Variants in NUP133 observed in about 807,000 individuals in gnomAD.
The protein encoded by NUP133 is nuclear pore complex protein Nup133.
Under a neutral mutation model 146.2 loss-of-function variants are expected in NUP133, and 66 were observed. That is an observed-to-expected ratio of 0.45 (90% CI 0.37 to 0.55). The LOEUF (loss-of-function observed/expected upper bound fraction) is 0.55, where lower values mean the gene tolerates loss of function less well. NUP133 is among the 20% of genes least tolerant of loss of function. NUP133 has a pLI of 0.00. For synonymous variants in NUP133, 521 were observed against 498.8 expected, an observed-to-expected ratio of 1.04 and a Z score of -0.59; for missense variants, 1,277 against 1,374.8, an observed-to-expected ratio of 0.93 and a Z score of 1.12.
Position 229,444,956 on chromosome 1 carries a change from C to A in NUP133, c.3292G>T (p.Asp1098Tyr), listed in dbSNP as rs746586342. The A allele has an allele frequency of 6.2e-7, 1 of 1,612,762 alleles. No homozygotes were observed. The highest frequency in any genetic ancestry group is 1.1e-5 in the South Asian group (1 of 90,824). Residue 1098 changes from aspartate (D) to tyrosine (Y), a missense_variant, in exon 25 of 26, where the codon GAC (aspartate) becomes TAC (tyrosine). By Grantham distance (160) the Asp-to-Tyr change is radical (BLOSUM62 -3). Coordinates refer to ENST00000261396, the MANE Select transcript of NUP133 (RefSeq NM_018230.3). ...TGTAAGATCTTCACAAATATACTGT[C>A]TTTAGATACTTCAATTGGATCATCT... ...GKDDPIEVSK[D>Y]SIFVKILQKL... is the part of the protein sequence containing the mutation.
intron 2 of NUP133, 47 bp from the exon 3 acceptor site, chr1:229,502,149 T>G (rs1394943098): frequency 7.4e-7 from 1 of 1,358,976 alleles, no homozygotes; most frequent in Admixed American, 1.7e-5. Flanking sequence ...GTATAAATCT[T>G]TATTACCACA....
chr1:229,481,098 G>T (rs185665244), intron 12 of NUP133, among the ~76,000 whole-genome samples: 3 of 152,170 alleles, frequency 2.0e-5, no homozygotes, highest in Non-Finnish European at 2.9e-5. Flanking sequence ...CACTCCCCCA[G>T]AAATCATCCC....
At chr1:229,443,722 AATT>A (rs966363331) in intron 25 of NUP133, among the ~76,000 whole-genome samples, 6 of 143,968 alleles carry the variant, frequency 4.2e-5, no homozygotes, top group African/African-American at 1.6e-4. Context: ...ACACATATAT[AATT>A]TTTTTTTTTT....
chr1:229,507,759 C>T (rs1209504359), intron 1 of NUP133, among the ~76,000 whole-genome samples: 7 of 152,140 alleles, frequency 4.6e-5, no homozygotes, highest in Admixed American at 4.6e-4. Flanking sequence ...TGAAGAAAAT[C>T]ACGAGTGACT....
intron 3 of NUP133, among the ~76,000 whole-genome samples, chr1:229,501,173 C>G (rs1028758010): frequency 6.6e-6 from 1 of 152,194 alleles, no homozygotes; most frequent in African/African-American, 2.4e-5. Context: ...AGTGCTTAGG[C>G]TTCCTATGGA....
At chr1:229,448,958 A>G (rs1660378228) in intron 24 of NUP133, 168 bp downstream of exon 24, 2 of 627,822 alleles carry the variant, frequency 3.2e-6, no homozygotes, top group Non-Finnish European at 5.6e-6. Context: ...AAATTAAAGG[A>G]CATTCAGCTG....
At chr1:229,488,277 T>G (rs939971971) in intron 9 of NUP133, among the ~76,000 whole-genome samples, 1 of 152,252 alleles carries the variant, frequency 6.6e-6, no homozygotes, top group African/African-American at 2.4e-5. Flanking sequence ...ATTGGCAATT[T>G]TTTATAAATA....
In NUP133 at chr1:229,454,460, A is replaced by G. The variant is rs75638193; in HGVS notation, c.2981-1817T>C. Among the ~76,000 whole-genome samples, 1,378 of 152,350 alleles carry G rather than the reference A, an allele frequency of 9.0e-3. 20 individuals carry two copies. Among genetic ancestry groups the G allele is most frequent in the African/African-American group, 0.031 (1,302 of 41,574 alleles). On this transcript the variant is annotated intron_variant, in intron 21 of 25. Transcript: ENST00000261396. ...AAAATCAGACTGGGAGGAAACCCAC[A>G]AAACAGTACCAGTGGCTATCTCCGG...
At chr1:229,443,727 T>A (rs1660236132) in intron 25 of NUP133, among the ~76,000 whole-genome samples, 2 of 122,544 alleles carry the variant, frequency 1.6e-5, no homozygotes. Flanking sequence ...TATATAATTT[T>A]TTTTTTTTTT....
chr1:229,470,151 G>A (rs115834923), intron 15 of NUP133, among the ~76,000 whole-genome samples: 83 of 151,924 alleles, frequency 5.5e-4, no homozygotes, highest in African/African-American at 1.9e-3. Context: ...GAGGTCAGGA[G>A]TTCGACATCA....
At position 229,485,882 on chromosome 1, in the gene NUP133, G is replaced by T. The variant is rs141796032; in HGVS notation, c.1500+489C>A. On this transcript the variant is annotated intron_variant, in intron 11 of 25. Coordinates refer to ENST00000261396, the MANE Select transcript of NUP133 (RefSeq NM_018230.3). ...ATAATCTGATAAAACTAAAAATTAG[G>T]CTGGGCATGGTGGCTCCACGCCAGT... Among the ~76,000 whole-genome samples, 63 of 152,274 alleles carry T rather than the reference G, an allele frequency of 4.1e-4. 2 individuals are homozygous for T. In the East Asian group the frequency reaches 0.012, roughly 28 times the overall value.
In NUP133 at chr1:229,452,613, T is replaced by C; in HGVS notation, c.3011A>G (p.His1004Arg). ...EMAEQERFLL[H>R]QETLPEQLLA... ...CAGCTGTTCAGGTAGGGTCTCCTGA[T>C]GCAGTAGAAAGCGCTCCTGCTCAGC... The change falls in exon 22 of 26, where the codon CAT becomes CGT. Residue 1004 changes from histidine (H) to arginine (R), a missense_variant. By Grantham distance (29) the His-to-Arg change is conservative. Coordinates refer to ENST00000261396, the MANE Select transcript of NUP133 (RefSeq NM_018230.3). 1 of 1,613,422 alleles carries C rather than the reference T, an allele frequency of 6.2e-7. No individual in the cohort carries two copies. Among genetic ancestry groups the C allele is most frequent in the Non-Finnish European group, 8.5e-7 (1 of 1,179,466 alleles).
intron 21 of NUP133, among the ~76,000 whole-genome samples, chr1:229,456,543 C>A (rs1660562079): frequency 6.6e-6 from 1 of 152,028 alleles, no homozygotes; most frequent in Non-Finnish European, 1.5e-5. Context: ...ATTTTAGTAT[C>A]TCTACATTAA....
intron 15 of NUP133, among the ~76,000 whole-genome samples, chr1:229,468,265 C>T (rs948355884): frequency 1.3e-5 from 2 of 152,116 alleles, no homozygotes; most frequent in African/African-American, 2.4e-5. Flanking sequence ...TTAACCAGCT[C>T]GTCCCAAAAC....
chr1:229,462,933 C>A (rs1660725113), intron 19 of NUP133, among the ~76,000 whole-genome samples: 1 of 152,120 alleles, frequency 6.6e-6, no homozygotes, highest in Non-Finnish European at 1.5e-5. Flanking sequence ...GCTAAGCTCT[C>A]TTAAAGTAGT....
chr1:229,443,056 T>A (rs1176652679), intron 25 of NUP133, among the ~76,000 whole-genome samples: 17 of 152,160 alleles, frequency 1.1e-4, no homozygotes, highest in Middle Eastern at 6.8e-3. Flanking sequence ...AGACAGGGTC[T>A]CCACTCTGTC....
At chr1:229,458,340 T>C in intron 20 of NUP133, 44 bp from the exon 21 acceptor site, 1 of 1,580,964 alleles carries the variant, frequency 6.3e-7, no homozygotes, top group Non-Finnish European at 8.6e-7. Flanking sequence ...TGAGTACCAA[T>C]TCAAGCTGAA....
Position 229,506,043 on chromosome 1 carries a change from C to T in NUP133, c.298G>A (p.Glu100Lys), listed in dbSNP as rs1161157766. 1.9e-6 allele frequency: 3 copies of T among 1,571,670 alleles called. No homozygotes were observed. Among genetic ancestry groups the T allele is most frequent in the East Asian group, 2.2e-5 (1 of 44,640 alleles). Residue 100 changes from glutamate (E) to lysine (K), a missense_variant, in exon 2 of 26, where the codon GAA (glutamate) becomes AAA (lysine). This residue lies in a region of NUP133 where 319 missense variants were observed against 306.9 expected (regional missense o/e 1.04). Coordinates refer to ENST00000261396, the MANE Select transcript of NUP133 (RefSeq NM_018230.3). ...TAAATGGAAAGATGACACCTACCTT[C>T]AGCCAATGTTAGGGCTTCCATGACT... ...VKVMEALTLAEVDDQLTINID... is the reference protein window; with the variant it reads ...VKVMEALTLAKVDDQLTINID...
At chr1:229,474,823 CTG>C (rs1661037801) in intron 14 of NUP133, among the ~76,000 whole-genome samples, 2 of 152,138 alleles carry the variant, frequency 1.3e-5, no homozygotes. Flanking sequence ...AGGGAAGAGA[CTG>C]GGCCTGGTAG....
Sources: allele counts gnomAD v4.1 joint callset (sites outside exome capture counted in the v4.1 genomes callset), GRCh38; gene constraint gnomAD v4.1.1; regional missense constraint gnomAD v4.1.1; transcripts MANE v1.5; gene names NCBI Gene and HGNC (gene_info 2026-07-23, HGNC 2026-07-21).